The following MYO5B variants were observed in gnomAD, a reference collection of about 807,000 sequenced individuals.
The protein encoded by MYO5B is myosin VB.
Under a neutral mutation model 229.3 loss-of-function variants are expected in MYO5B, and 143 were observed. That is an observed-to-expected ratio of 0.62 (90% CI 0.54 to 0.72). The LOEUF is 0.72. MYO5B is among the 30% of genes least tolerant of loss of function. The probability of loss-of-function intolerance (pLI) is 0.00; values close to 1 mark genes in which losing one functional copy is unlikely to be tolerated. For missense variants in MYO5B, 2,321 were observed against 2,331.0 expected, an observed-to-expected ratio of 1.00 and a Z score of 0.09; for synonymous variants, 918 against 885.2, an observed-to-expected ratio of 1.04 and a Z score of -0.66.
chr18:49,864,144 G>A lies in MYO5B; in HGVS notation c.3840C>T (p.Asn1280=), dbSNP rs374627117. The A allele has an allele frequency of 6.2e-6, 10 of 1,608,290 alleles. No homozygotes were observed. The highest frequency in any genetic ancestry group is 3.3e-5 in the South Asian group (3 of 91,078). Residue 1280 remains asparagine, a synonymous_variant, in exon 28 of 40, where the codon AAC becomes AAT. Transcript: ENST00000285039. ...SADQRRLAGR[N]AEPNINARSS... is the part of the protein sequence containing the mutation. ...CCGCGGGCCGCCATCTTGTTACCGC[G>A]TTCCTGCCGGCGAGTCGCCGCTGGT...
intron 2 of MYO5B, among the ~76,000 whole-genome samples, chr18:50,049,024 GA>G (rs33975553): frequency 0.88 from 110,918 of 126,574 alleles, 49,092 homozygotes; most frequent in Non-Finnish European, 0.96. Context: ...TCCATCTCAG[GA>G]AAAAAAAAAA....
chr18:49,843,801 G>A (rs184916512), intron 33 of MYO5B, among the ~76,000 whole-genome samples: 8 of 152,324 alleles, frequency 5.3e-5, no homozygotes, highest in Admixed American at 3.9e-4. Flanking sequence ...CTCCTGATTC[G>A]TGGGCACCAC....
chr18:49,843,508 A>G, intron 33 of MYO5B, 116 bp from the exon 34 acceptor site: 2 of 1,294,960 alleles, frequency 1.5e-6, no homozygotes, highest in Non-Finnish European at 2.2e-6. Flanking sequence ...TCATCTAGGA[A>G]TAGATGTCTC....
intron 1 of MYO5B, among the ~76,000 whole-genome samples, chr18:50,104,294 C>CAT (rs2031715438): frequency 7.7e-6 from 1 of 129,324 alleles, no homozygotes; most frequent in African/African-American, 2.9e-5. Context: ...ATATATATCT[C>CAT]ATAAATCTCA....
intron 1 of MYO5B, among the ~76,000 whole-genome samples, chr18:50,136,374 T>G (rs562602116): frequency 1.9e-4 from 29 of 151,154 alleles, no homozygotes; most frequent in African/African-American, 7.0e-4. Flanking sequence ...CTTTTTTTTT[T>G]TTTTTTGCAT....
intron 1 of MYO5B, among the ~76,000 whole-genome samples, chr18:50,143,839 T>TC (rs2032457182): frequency 6.6e-6 from 1 of 152,202 alleles, no homozygotes; most frequent in East Asian, 1.9e-4. Context: ...CCTGCCTTAA[T>TC]CCATCTGGCA....
At chr18:50,160,823 C>G (rs146257202) in intron 1 of MYO5B, among the ~76,000 whole-genome samples, 2 of 152,274 alleles carry the variant, frequency 1.3e-5, no homozygotes, top group Admixed American at 6.5e-5. Context: ...CCTCCACTCT[C>G]GATTCCCTAC....
intron 1 of MYO5B, among the ~76,000 whole-genome samples, chr18:50,123,548 A>T (rs1422361921): frequency 6.6e-6 from 1 of 152,102 alleles, no homozygotes; most frequent in Non-Finnish European, 1.5e-5. Context: ...GCAACATAGC[A>T]AAAACCCATC....
At chr18:50,007,463 T>G (rs1376092212) in intron 4 of MYO5B, among the ~76,000 whole-genome samples, 1 of 152,170 alleles carries the variant, frequency 6.6e-6, no homozygotes, top group Non-Finnish European at 1.5e-5. Context: ...TCATGAAACT[T>G]TCTGAAAATG....
chr18:50,134,493 T>C (rs1254199805), intron 1 of MYO5B, among the ~76,000 whole-genome samples: 2 of 151,704 alleles, frequency 1.3e-5, no homozygotes, highest in Non-Finnish European at 2.9e-5. Flanking sequence ...AGGCGGAGGT[T>C]GCAGTGAGCC....
chr18:49,980,462 A>C lies in MYO5B; in HGVS notation c.1038T>G (p.Gly346=). 1 of 1,612,190 alleles carries C rather than the reference A, an allele frequency of 6.2e-7. No individual in the cohort carries two copies. The highest frequency in any genetic ancestry group is 2.2e-5 in the East Asian group (1 of 44,854). The stretch of plus-strand genomic sequence containing the variant: ...AACTTACTGATATACTACAGGAATC[A>C]CCATCACGCTCAGCCTGAATCGCCA... ...GSVAIQAERD[G]DSCSISPQDV... Residue 346 remains glycine (G), a synonymous_variant, in exon 9 of 40, where the codon GGT becomes GGG. Coordinates refer to ENST00000285039, the MANE Select transcript of MYO5B (RefSeq NM_001080467.3).
chr18:49,928,051 C>G (rs1466092069), intron 17 of MYO5B, among the ~76,000 whole-genome samples: 1 of 151,734 alleles, frequency 6.6e-6, no homozygotes, highest in Admixed American at 6.6e-5. Context: ...AGAAAAAAAA[C>G]CATCCCGTCA....
intron 1 of MYO5B, among the ~76,000 whole-genome samples, chr18:50,131,947 G>C (rs1236135729): frequency 6.6e-6 from 1 of 152,198 alleles, no homozygotes; most frequent in South Asian, 2.1e-4. Context: ...TTTGTGAAGA[G>C]AGAACATTTA....
At chr18:50,038,380 A>C (rs997167074) in intron 3 of MYO5B, among the ~76,000 whole-genome samples, 2 of 152,194 alleles carry the variant, frequency 1.3e-5, no homozygotes, top group Admixed American at 1.3e-4. Context: ...TTCCACATAA[A>C]GGGGAAAGGG....
intron 4 of MYO5B, among the ~76,000 whole-genome samples, chr18:50,003,817 T>G (rs2026072580): frequency 6.6e-6 from 1 of 152,160 alleles, no homozygotes; most frequent in Non-Finnish European, 1.5e-5. Flanking sequence ...AAAGAACCAG[T>G]TAGAATGCAG....
intron 5 of MYO5B, among the ~76,000 whole-genome samples, chr18:49,999,948 T>C (rs1429725413): frequency 6.6e-6 from 1 of 152,270 alleles, no homozygotes; most frequent in Non-Finnish European, 1.5e-5. Context: ...CCTTCAACTG[T>C]ATTCACCATT....
At chr18:49,880,533 A>C in intron 22 of MYO5B, 78 bp from the exon 23 acceptor site, 3 of 1,116,900 alleles carry the variant, frequency 2.7e-6, no homozygotes, top group Non-Finnish European at 4.1e-6. Flanking sequence ...TTTGAATTTT[A>C]ACTGGATACA....
At chr18:49,984,651 G>A (rs190622410) in intron 8 of MYO5B, 67 bp downstream of exon 8, 98 of 1,241,230 alleles carry the variant, frequency 7.9e-5, no homozygotes, top group Non-Finnish European at 1.1e-4. Flanking sequence ...GTGGGACATC[G>A]CCTTGCATTC....
At chr18:50,039,751 T>A (rs2029950136) in intron 3 of MYO5B, among the ~76,000 whole-genome samples, 1 of 152,106 alleles carries the variant, frequency 6.6e-6, no homozygotes, top group African/African-American at 2.4e-5. Flanking sequence ...CAGAGGCAAG[T>A]GAGAAGATCA....
Sources: allele counts gnomAD v4.1 joint callset (sites outside exome capture counted in the v4.1 genomes callset), GRCh38; gene constraint gnomAD v4.1.1; transcripts MANE v1.5; gene names NCBI Gene and HGNC (gene_info 2026-07-23, HGNC 2026-07-21).